BST1: variants seen among roughly 807,000 people sequenced by gnomAD.
BST1 encodes the protein bone marrow stromal cell antigen 1, also known as ADP-ribosyl cyclase/cyclic ADP-ribose hydrolase 2.
BST1 carries 49 observed loss-of-function variants against 40.6 expected under a neutral mutation model. The ratio of observed to expected loss-of-function variants is 1.21; its 90% CI spans 0.96 to 1.53. BST1 has a LOEUF of 1.53. Among genes scored for constraint, BST1 ranks in the 40% most tolerant of loss-of-function variants. The probability of loss-of-function intolerance (pLI) is 0.00; values close to 1 mark genes in which losing one functional copy is unlikely to be tolerated. For synonymous variants in BST1, 157 were observed against 159.3 expected (o/e 0.99, Z 0.11); for missense variants, 423 against 395.9 (o/e 1.07, Z -0.58).
chr4:15,723,012 G>T, intron 8 of BST1, 78 bp downstream of exon 8: 1 of 1,342,368 alleles, frequency 7.4e-7, no homozygotes. Flanking sequence ...TCACAAACAT[G>T]AACATATTAT....
At chr4:15,747,722 C>CCT in the BST1 span, among the ~76,000 whole-genome samples, 1 of 152,160 alleles carries the variant, frequency 6.6e-6, no homozygotes, top group Non-Finnish European at 1.5e-5. Flanking sequence ...CAGGCTGGAG[C>CCT]ACAGTGGTCC....
chr4:15,753,533 T>C, the BST1 span, among the ~76,000 whole-genome samples: 1 of 152,174 alleles, frequency 6.6e-6, no homozygotes, highest in Non-Finnish European at 1.5e-5. Context: ...AGGTGAGCCC[T>C]AAGGAGAAAG....
At chr4:15,762,522 C>T in the BST1 span, among the ~76,000 whole-genome samples, 1 of 151,982 alleles carries the variant, frequency 6.6e-6, no homozygotes, top group African/African-American at 2.4e-5. Flanking sequence ...CATCCATCAC[C>T]ACCCATGTTG....
intron 8 of BST1, among the ~76,000 whole-genome samples, chr4:15,729,533 A>G (rs1395000798): frequency 1.3e-5 from 2 of 152,352 alleles, no homozygotes; most frequent in East Asian, 3.9e-4. Flanking sequence ...AGTAAGTGTG[A>G]CAAATCCTTA....
At chr4:15,731,281 A>G in intron 8 of BST1, 2 of 506,804 alleles carry the variant, frequency 3.9e-6, no homozygotes, top group Non-Finnish European at 7.1e-6. Context: ...CTGCTTGATC[A>G]GAGACTCTGA....
At chr4:15,710,710 A>T (rs149655619) in intron 3 of BST1, among the ~76,000 whole-genome samples, 1 of 151,996 alleles carries the variant, frequency 6.6e-6, no homozygotes, top group Non-Finnish European at 1.5e-5. Context: ...GGCTTATTTC[A>T]CTTGACATAA....
the BST1 span, among the ~76,000 whole-genome samples, chr4:15,762,188 C>CAAAAAAA: frequency 2.0e-4 from 12 of 61,250 alleles, no homozygotes; most frequent in South Asian, 5.8e-4. Context: ...GACTCCATCT[C>CAAAAAAA]AAAAAAAAAA....
At chr4:15,708,591 A>C (rs1720019011) in intron 3 of BST1, among the ~76,000 whole-genome samples, 2 of 152,118 alleles carry the variant, frequency 1.3e-5, no homozygotes, top group African/African-American at 2.4e-5. Flanking sequence ...AGTTAACCTA[A>C]TATCAGGCCG....
chr4:15,723,211 T>C (rs1281883459), intron 8 of BST1, among the ~76,000 whole-genome samples: 1 of 152,248 alleles, frequency 6.6e-6, no homozygotes, highest in Non-Finnish European at 1.5e-5. Flanking sequence ...AGTCTGTTAG[T>C]GGCTGTAGAG....
intron 8 of BST1, among the ~76,000 whole-genome samples, chr4:15,728,643 CTTTT>C (rs869200119): frequency 5.0e-5 from 6 of 119,778 alleles, no homozygotes; most frequent in Admixed American, 1.7e-4. Context: ...TCCTTCCTTC[CTTTT>C]TTTTTTTTTT....
At chr4:15,736,149 A>G (rs1721554829), downstream of BST1, 3 of 1,284,342 alleles carry the variant, frequency 2.3e-6, no homozygotes, top group African/African-American at 3.1e-5. Context: ...ATGGGTTTCA[A>G]ACATATCATT....
the BST1 span, among the ~76,000 whole-genome samples, chr4:15,772,007 G>GTCTCTCTCTCTCTCTCTCTCTCTC: frequency 5.4e-5 from 8 of 148,862 alleles, no homozygotes; most frequent in African/African-American, 2.0e-4. Flanking sequence ...AACAATGAAG[G>GTCTCTCTCTCTCTCTCTCTCTCTC]TCTCTCTCTC....
At chr4:15,726,839 C>T (rs1011094422) in intron 8 of BST1, among the ~76,000 whole-genome samples, 5 of 151,118 alleles carry the variant, frequency 3.3e-5, no homozygotes, top group South Asian at 2.1e-4. Flanking sequence ...ATAAGGAGAA[C>T]GAGGGTAGCT....
Position 15,732,026 on chromosome 4 carries a change from G to A in BST1, c.*181G>A, listed in dbSNP as rs893739949. 17 of 1,311,290 alleles carry A rather than the reference G, an allele frequency of 1.3e-5. No homozygotes were observed. The highest frequency in any genetic ancestry group is 1.7e-5 in the Non-Finnish European group (17 of 1,029,976). The allele number at this position is 1,311,290 out of a possible 1,614,324, so 81.2% of individuals were successfully genotyped here. ...TCAGGATTTCAGAAACAAGAAGTTAGTTCTATTTAGCAGGTTAAAAAATGC... is the reference window on the plus strand; with the variant it reads ...TCAGGATTTCAGAAACAAGAAGTTAATTCTATTTAGCAGGTTAAAAAATGC... On this transcript the variant is annotated 3_prime_UTR_variant, in exon 9 of 9. Coordinates refer to ENST00000265016, the MANE Select transcript of BST1 (RefSeq NM_004334.3).
the BST1 span, among the ~76,000 whole-genome samples, chr4:15,765,649 A>T: frequency 6.6e-6 from 1 of 151,970 alleles, no homozygotes; most frequent in South Asian, 2.1e-4. Flanking sequence ...TGAACACACC[A>T]GGCTTGCTTC....
At chr4:15,705,218 G>A (rs1719811636) in intron 1 of BST1, among the ~76,000 whole-genome samples, 1 of 151,860 alleles carries the variant, frequency 6.6e-6, no homozygotes, top group Non-Finnish European at 1.5e-5. Flanking sequence ...CTGCTGTATA[G>A]TTGACTGAAT....
At chr4:15,717,374 T>C (rs1457164113) in intron 6 of BST1, among the ~76,000 whole-genome samples, 1 of 152,194 alleles carries the variant, frequency 6.6e-6, no homozygotes, top group Non-Finnish European at 1.5e-5. Flanking sequence ...CCATTTCATG[T>C]AAACTCAGGG....
the BST1 span, among the ~76,000 whole-genome samples, chr4:15,764,272 T>G: frequency 1.3e-5 from 2 of 152,080 alleles, no homozygotes; most frequent in African/African-American, 4.8e-5. Context: ...ATCCCTATTT[T>G]CAATGAATTA....
chr4:15,748,800 C>T, the BST1 span, among the ~76,000 whole-genome samples: 2 of 152,196 alleles, frequency 1.3e-5, no homozygotes, highest in Non-Finnish European at 2.9e-5. Context: ...TGGAAAGCAA[C>T]AGCTAATTCC....
Sources: gnomAD v4.1 joint callset for allele counts (sites outside exome capture counted in the v4.1 genomes callset) on GRCh38, gnomAD v4.1.1 for gene constraint, MANE v1.5 for transcripts, NCBI Gene and HGNC (gene_info 2026-07-23, HGNC 2026-07-21) for gene names.